EHMT1: variants seen among roughly 807,000 people sequenced by gnomAD.
The protein encoded by EHMT1 is euchromatic histone lysine methyltransferase 1, also known as histone-lysine N-methyltransferase EHMT1.
Under a neutral mutation model 147.2 loss-of-function variants are expected in EHMT1, and 15 were observed. The ratio of observed to expected loss-of-function variants is 0.10; its 90% CI spans 0.07 to 0.16. The LOEUF is 0.16. EHMT1 is among the 10% of genes least tolerant of loss of function. The pLI is 1.00. For synonymous variants in EHMT1, 795 were observed against 709.6 expected, an observed-to-expected ratio of 1.12 and a Z score of -1.91; for missense variants, 1,587 against 1,772.4, an observed-to-expected ratio of 0.90 and a Z score of 1.88.
chr9:137,705,312 G>T (rs190721458), intron 1 of EHMT1, among the ~76,000 whole-genome samples: 1 of 152,182 alleles, frequency 6.6e-6, no homozygotes, highest in Non-Finnish European at 1.5e-5. Flanking sequence ...TTTAACTTGC[G>T]TTTGAAAGTT....
chr9:137,757,865 G>A lies in EHMT1; in HGVS notation c.1370-15G>A. ...TGGGTGCGTGGTGTCTGATGTGTGT[G>A]CCTTTCATACCTAGGTTCTGAGTCG... is the stretch of plus-strand genomic sequence containing the variant. On this transcript the variant is annotated splice_polypyrimidine_tract_variant and intron_variant, in intron 8 of 26. Coordinates refer to ENST00000460843, the MANE Select transcript of EHMT1 (RefSeq NM_024757.5). 1.2e-6 allele frequency: 2 copies of A among 1,613,684 alleles called. No individual in the cohort carries two copies. Among genetic ancestry groups the A allele is most frequent in the Non-Finnish European group, 1.7e-6 (2 of 1,180,000 alleles).
intron 1 of EHMT1, 113 bp from the exon 2 acceptor site, chr9:137,710,854 C>A: frequency 8.4e-7 from 1 of 1,186,490 alleles, no homozygotes; most frequent in African/African-American, 1.5e-5. Context: ...GACTGTCCAG[C>A]AGCTCATGGT....
chr9:137,633,857 T>C (rs887704113), intron 1 of EHMT1, among the ~76,000 whole-genome samples: 9 of 151,638 alleles, frequency 5.9e-5, no homozygotes, highest in African/African-American at 2.2e-4. Context: ...GTCTCGCTCT[T>C]GTCGCCTAGG....
intron 1 of EHMT1, among the ~76,000 whole-genome samples, chr9:137,624,410 G>C (rs146264351): frequency 1.3e-5 from 2 of 150,594 alleles, no homozygotes; most frequent in Admixed American, 6.6e-5. Flanking sequence ...CAACCTGCCC[G>C]GTTCAGGCAA....
At chr9:137,661,311 T>C (rs1939049571) in intron 1 of EHMT1, among the ~76,000 whole-genome samples, 1 of 152,154 alleles carries the variant, frequency 6.6e-6, no homozygotes, top group Non-Finnish European at 1.5e-5. Flanking sequence ...TCCAATATTT[T>C]CCTATTTAGG....
chr9:137,693,243 A>T (rs1188070923), intron 1 of EHMT1, among the ~76,000 whole-genome samples: 1 of 152,124 alleles, frequency 6.6e-6, no homozygotes, highest in East Asian at 1.9e-4. Context: ...CGGGTATCTA[A>T]CAAGCAGTGA....
chr9:137,776,347 C>T lies in EHMT1; in HGVS notation c.1792-271C>T, dbSNP rs1950957251. ...CTTCTTTAGGCCTTCTCTTTGCGGG[C>T]AGCCTCAGCTTTCCTGGGCCTAGGT... On this transcript the variant is annotated intron_variant, in intron 11 of 26. Transcript: ENST00000460843. The surrounding 1 kb of genome is among the most constrained non-coding windows in gnomAD (Gnocchi z 4.4). Among the ~76,000 whole-genome samples the T allele has an allele frequency of 6.6e-6, 1 of 152,130 alleles. No homozygotes were observed. The highest frequency in any genetic ancestry group is 2.4e-5 in the African/African-American group (1 of 41,428).
intron 1 of EHMT1, among the ~76,000 whole-genome samples, chr9:137,665,614 G>A (rs993363229): frequency 2.6e-5 from 4 of 152,184 alleles, no homozygotes; most frequent in African/African-American, 9.7e-5. Context: ...CAGATTCCAT[G>A]TCTAGGTTTT....
At chr9:137,705,804 G>C (rs1470380383) in intron 1 of EHMT1, among the ~76,000 whole-genome samples, 1 of 152,226 alleles carries the variant, frequency 6.6e-6, no homozygotes, top group Non-Finnish European at 1.5e-5. Flanking sequence ...CTAGAGGGCT[G>C]TGGCAGTCTT....
Position 137,835,523 on chromosome 9 carries a change from C to T in EHMT1, c.*570C>T, listed in dbSNP as rs1461346306. On this transcript the variant is annotated 3_prime_UTR_variant, in exon 27 of 27. Coordinates refer to ENST00000460843, the MANE Select transcript of EHMT1 (RefSeq NM_024757.5). ...TAACTTTGGAGAAAATGTGGGTTTG[C>T]TTTTTAAAGGAATCCTATATCTAGT... 1 of 152,536 alleles carries T rather than the reference C, an allele frequency of 6.6e-6. No individual in the cohort carries two copies. The highest frequency in any genetic ancestry group is 2.4e-5 in the African/African-American group (1 of 41,440). The allele number at this position is 152,536 out of a possible 1,614,324, so 9.4% of individuals were successfully genotyped here.
Position 137,813,579 on chromosome 9 carries a change from G to A in EHMT1, c.3180+49G>A. On this transcript the variant is annotated intron_variant, in intron 21 of 26. Coordinates refer to ENST00000460843, the MANE Select transcript of EHMT1 (RefSeq NM_024757.5). The surrounding 1 kb of genome is among the most constrained non-coding windows in gnomAD (Gnocchi z 4.9). ...TGACTCAGGCCAGGACATGGGACAG[G>A]CAGAAGCTTCTTGAGCCTGGGGTCC... 1.2e-6 allele frequency: 2 copies of A among 1,610,492 alleles called. No homozygotes were observed. Among genetic ancestry groups the A allele is most frequent in the Non-Finnish European group, 1.7e-6 (2 of 1,179,314 alleles).
chr9:137,791,432 C>CA (rs540567157), intron 16 of EHMT1, among the ~76,000 whole-genome samples: 45 of 151,876 alleles, frequency 3.0e-4, no homozygotes, highest in Non-Finnish European at 4.9e-4. Context: ...AAAATTAACA[C>CA]AAAAAAATCA....
intron 4 of EHMT1, among the ~76,000 whole-genome samples, chr9:137,735,767 G>A (rs943292385): frequency 2.0e-5 from 3 of 152,212 alleles, no homozygotes; most frequent in South Asian, 4.2e-4. Context: ...GTGAATTCTC[G>A]CTCTTAGTTG....
At chr9:137,805,356 CGTAT>C (rs1953858898) in intron 18 of EHMT1, among the ~76,000 whole-genome samples, 1 of 151,870 alleles carries the variant, frequency 6.6e-6, no homozygotes, top group Admixed American at 6.6e-5. Context: ...CAGTTGTCTG[CGTAT>C]GTATCAGTCA....
chr9:137,826,492 G>A (rs1007761377), intron 25 of EHMT1, among the ~76,000 whole-genome samples: 19 of 152,168 alleles, frequency 1.2e-4, no homozygotes, highest in Non-Finnish European at 2.6e-4. Flanking sequence ...GTCTCAGTCC[G>A]TTGAGGCTGC....
intron 25 of EHMT1, chr9:137,832,673 T>C (rs764479992): frequency 6.5e-6 from 1 of 152,732 alleles, no homozygotes; most frequent in Non-Finnish European, 1.5e-5. Context: ...TATCTGGTTC[T>C]GGTCGGGCAG....
chr9:137,707,428 C>T (rs761585675), intron 1 of EHMT1, among the ~76,000 whole-genome samples: 29 of 152,330 alleles, frequency 1.9e-4, no homozygotes, highest in Non-Finnish European at 2.6e-4. Context: ...CCCTCCTCCC[C>T]GGTGCCCCCT....
At chr9:137,831,620 ATCTT>A (rs1564840094) in intron 25 of EHMT1, among the ~76,000 whole-genome samples, 1 of 152,182 alleles carries the variant, frequency 6.6e-6, no homozygotes, top group Non-Finnish European at 1.5e-5. Context: ...ATGCCTTGAA[ATCTT>A]TCTTTGTTCT....
chr9:137,709,118 G>A (rs75296586), intron 1 of EHMT1, among the ~76,000 whole-genome samples: 1,827 of 152,332 alleles, frequency 0.012, 44 homozygotes, highest in African/African-American at 0.041. Context: ...CTTGGGCACC[G>A]TCTGTGCAAA....
Sources: gnomAD v4.1 joint callset for allele counts (sites outside exome capture counted in the v4.1 genomes callset) on GRCh38, gnomAD v4.1.1 for gene constraint, Gnocchi (gnomAD v3.1) non-coding constraint, MANE v1.5 for transcripts, NCBI Gene and HGNC (gene_info 2026-07-23, HGNC 2026-07-21) for gene names.